Variants in QTMAN observed in about 807,000 individuals in gnomAD.
The protein encoded by QTMAN is tRNA-queuosine alpha-mannosyltransferase.
At chr2:144,132,008 C>T in the QTMAN span, among the ~76,000 whole-genome samples, 1 of 151,960 alleles carries the variant, frequency 6.6e-6, no homozygotes, top group Admixed American at 6.6e-5. Context: ...ATAAAAATCA[C>T]ATCGTTTTTA....
At chr2:144,326,978 T>C in the QTMAN span, among the ~76,000 whole-genome samples, 1 of 152,180 alleles carries the variant, frequency 6.6e-6, no homozygotes, top group African/African-American at 2.4e-5. Context: ...CCACAGCCCT[T>C]GATCCAGTCT....
chr2:144,307,187 T>TTAAAAAAAAAAAAAAAAAAAAAAAAAAAA, the QTMAN span, among the ~76,000 whole-genome samples: 5 of 78,830 alleles, frequency 6.3e-5, no homozygotes, highest in East Asian at 3.3e-4. Context: ...AAAAAAACAA[T>TTAAAAAAAAAAAAAAAAAAAAAAAAAAAA]TAAAAAAAAA....
At chr2:144,079,053 G>C in the QTMAN span, among the ~76,000 whole-genome samples, 4 of 152,150 alleles carry the variant, frequency 2.6e-5, no homozygotes, top group Non-Finnish European at 4.4e-5. Flanking sequence ...ATAACAATAA[G>C]AGTGTGACAT....
chr2:144,064,951 A>AG, the QTMAN span, among the ~76,000 whole-genome samples: 1 of 152,122 alleles, frequency 6.6e-6, no homozygotes, highest in Non-Finnish European at 1.5e-5. Context: ...TGAGGAGGAG[A>AG]GGGGGGCAGA....
chr2:144,107,513 G>T, the QTMAN span, among the ~76,000 whole-genome samples: 1 of 152,128 alleles, frequency 6.6e-6, no homozygotes, highest in Non-Finnish European at 1.5e-5. Context: ...AGAAGAAATG[G>T]ATAAATTCCT....
chr2:144,150,164 C>T, the QTMAN span, among the ~76,000 whole-genome samples: 3 of 152,016 alleles, frequency 2.0e-5, no homozygotes, highest in Non-Finnish European at 2.9e-5. Context: ...GGCTGTGTTA[C>T]CACTCATACA....
chr2:144,073,297 C>T, the QTMAN span, among the ~76,000 whole-genome samples: 5 of 150,278 alleles, frequency 3.3e-5, no homozygotes, highest in Admixed American at 6.7e-5. Context: ...ACTGAATATC[C>T]TGGCAATTAT....
the QTMAN span, among the ~76,000 whole-genome samples, chr2:144,040,265 C>T: frequency 6.6e-6 from 1 of 152,104 alleles, no homozygotes; most frequent in African/African-American, 2.4e-5. Flanking sequence ...CTCTACCACG[C>T]TTAGCATACA....
the QTMAN span, among the ~76,000 whole-genome samples, chr2:144,004,792 C>T: frequency 1.1e-3 from 171 of 152,146 alleles, 2 homozygotes; most frequent in African/African-American, 4.0e-3. Context: ...GACCCAACAG[C>T]TCTGGCACAA....
the QTMAN span, among the ~76,000 whole-genome samples, chr2:144,205,343 G>A: frequency 6.6e-6 from 1 of 152,040 alleles, no homozygotes; most frequent in African/African-American, 2.4e-5. Context: ...AAGGGGAGTT[G>A]GCCTTCTTCT....
chr2:144,072,987 T>C, the QTMAN span, among the ~76,000 whole-genome samples: 1 of 152,132 alleles, frequency 6.6e-6, no homozygotes, highest in Non-Finnish European at 1.5e-5. Context: ...CATATTTCTC[T>C]ACCTTTGCTT....
At chr2:144,103,921 C>A in the QTMAN span, among the ~76,000 whole-genome samples, 1 of 152,144 alleles carries the variant, frequency 6.6e-6, no homozygotes, top group South Asian at 2.1e-4. Context: ...AAAACCCTGT[C>A]TCTACTAAAA....
chr2:143,976,340 G>A, the QTMAN span, among the ~76,000 whole-genome samples: 3 of 152,188 alleles, frequency 2.0e-5, no homozygotes, highest in South Asian at 4.1e-4. Context: ...AGGATATGGA[G>A]AAGCAATAAG....
chr2:144,286,852 G>C, the QTMAN span, among the ~76,000 whole-genome samples: 1 of 152,200 alleles, frequency 6.6e-6, no homozygotes, highest in Non-Finnish European at 1.5e-5. Flanking sequence ...GTTTAGGCCA[G>C]TGTACTGTTT....
chr2:144,011,807 T>A, the QTMAN span: 1 of 904,170 alleles, frequency 1.1e-6, no homozygotes. Flanking sequence ...CCAACTCTGG[T>A]GGAGGTGCTA....
the QTMAN span, among the ~76,000 whole-genome samples, chr2:144,301,175 T>A: frequency 6.6e-6 from 1 of 152,328 alleles, no homozygotes; most frequent in East Asian, 1.9e-4. Flanking sequence ...ACCACAGCTA[T>A]GCAACTTAGT....
the QTMAN span, among the ~76,000 whole-genome samples, chr2:144,002,464 GATA>G: frequency 1.3e-5 from 2 of 152,024 alleles, no homozygotes; most frequent in East Asian, 3.9e-4. Flanking sequence ...AGAAACAAGT[GATA>G]ATATTTGTTG....
the QTMAN span, among the ~76,000 whole-genome samples, chr2:144,292,917 ACACT>A: frequency 6.6e-6 from 1 of 152,172 alleles, no homozygotes; most frequent in South Asian, 2.1e-4. Context: ...AATTTCAGAA[ACACT>A]CAAACATAAC....
the QTMAN span, among the ~76,000 whole-genome samples, chr2:144,245,648 T>C: frequency 9.8e-5 from 15 of 152,296 alleles, no homozygotes; most frequent in African/African-American, 3.4e-4. Flanking sequence ...ATTCAGATCA[T>C]CATTACTATT....
Sources: allele counts gnomAD v4.1 joint callset (sites outside exome capture counted in the v4.1 genomes callset), GRCh38; gene constraint gnomAD v4.1.1; transcripts MANE v1.5; gene names NCBI Gene and HGNC (gene_info 2026-07-23, HGNC 2026-07-21).